The following ANKS3 variants were observed in gnomAD, a reference collection of about 807,000 sequenced individuals.
ANKS3 encodes ankyrin repeat and SAM domain-containing protein 3.
Under a neutral mutation model 80.7 loss-of-function variants are expected in ANKS3, and 62 were observed. That is an observed-to-expected ratio of 0.77 (90% CI 0.63 to 0.95). The LOEUF (loss-of-function observed/expected upper bound fraction) is 0.95, where lower values mean the gene tolerates loss of function less well. Among genes scored for constraint, ANKS3 ranks in the 40% least tolerant of loss-of-function variants. The pLI is 0.00. For missense variants in ANKS3, 1,150 were observed against 883.6 expected, an observed-to-expected ratio of 1.30 and a Z score of -3.82; for synonymous variants, 489 against 355.3, an observed-to-expected ratio of 1.38 and a Z score of -4.23.
At chr16:4,730,228 G>C in intron 2 of ANKS3, 77 bp from the exon 3 acceptor site, 1 of 1,334,230 alleles carries the variant, frequency 7.5e-7, no homozygotes. Flanking sequence ...TCCTGCCCCT[G>C]CTACACCACT....
rs940399637 is a variant in ANKS3, at chr16:4,731,507, C to G, written c.-3+5G>C. On this transcript the variant is annotated splice_donor_5th_base_variant and intron_variant, in intron 2 of 17. Transcript: ENST00000304283. The stretch of plus-strand genomic sequence containing the variant: ...TGTTGGCCAGGCTGGTCTCGAACTC[C>G]TCACCTCAGGTGATCCGCCCGCCTC... The G allele has an allele frequency of 1.4e-5, 6 of 425,236 alleles. No individual in the cohort carries two copies. In the East Asian group the frequency reaches 9.5e-4, roughly 67 times the overall value. 26.3% of individuals were successfully genotyped at this position (425,236 alleles called of 1,614,324 possible).
At chr16:4,727,198 C>A in intron 3 of ANKS3, 21 bp from the exon 4 acceptor site, 1 of 1,611,800 alleles carries the variant, frequency 6.2e-7, no homozygotes, top group Non-Finnish European at 8.5e-7. Context: ...GCAAGATATG[C>A]TAGACATGGC....
rs369358557 is a variant in ANKS3 at position 4,702,479 on chromosome 16, T to C, written c.869-237A>G. Among the ~76,000 whole-genome samples the C allele has an allele frequency of 1.5e-3, 236 of 152,272 alleles. 1 individual carries two copies. Among genetic ancestry groups the C allele is most frequent in the African/African-American group, 5.5e-3 (230 of 41,556 alleles). Reference sequence around the variant, plus strand: ...TGGCAGCCAGGTCAAGCCTGGGCCCTCTCCATTTCTTTTCCAAGGGGAAAA... The same window carrying C: ...TGGCAGCCAGGTCAAGCCTGGGCCCCCTCCATTTCTTTTCCAAGGGGAAAA... On this transcript the variant is annotated intron_variant, in intron 8 of 17. Transcript: ENST00000304283.
intron 7 of ANKS3, among the ~76,000 whole-genome samples, chr16:4,708,897 C>A (rs1479874218): frequency 6.6e-6 from 1 of 151,470 alleles, no homozygotes; most frequent in Admixed American, 6.6e-5. Flanking sequence ...CGAGATCGCG[C>A]CACTGCACTC....
rs1302895585 is a variant in ANKS3, at chr16:4,697,385, G to A, written c.1842C>T (p.Ala614=). The change falls in exon 16 of 18, where the codon GCC becomes GCT. Residue 614 remains alanine (A), a synonymous_variant. Transcript: ENST00000304283. ...CTCCCGAGAGCTCGGGGAGGCTCAT[G>A]GCCTGCAGGGACGCTTGCCAGCCCT... ...DSKGWQASLQ[A]MSLPELSGAL... 6.2e-7 allele frequency: 1 copy of A among 1,609,966 alleles called. No homozygotes were observed. The highest frequency in any genetic ancestry group is 1.1e-5 in the South Asian group (1 of 90,946).
rs369546083 is a variant in ANKS3, at chr16:4,702,090, G to T, written c.1009+12C>A. ...CCTGAGCCACGGGCCGGATGGGTGGGGGTGCACGTACCCCGACTGCTGCTG... is the reference window on the plus strand; with the variant it reads ...CCTGAGCCACGGGCCGGATGGGTGGTGGTGCACGTACCCCGACTGCTGCTG... On this transcript the variant is annotated intron_variant, in intron 9 of 17. Coordinates refer to ENST00000304283, the MANE Select transcript of ANKS3 (RefSeq NM_133450.4). 2.5e-4 allele frequency: 386 copies of T among 1,572,690 alleles called. 2 individuals carry two copies. In the African/African-American group the frequency reaches 4.7e-3, roughly 19 times the overall value.
intron 10 of ANKS3, 115 bp from the exon 11 acceptor site, chr16:4,701,249 C>T: frequency 2.0e-6 from 3 of 1,520,450 alleles, no homozygotes; most frequent in Non-Finnish European, 2.7e-6. Flanking sequence ...CCACCCGCCA[C>T]ACAGGGGCTT....
chr16:4,698,535 A>G lies in ANKS3; in HGVS notation c.1616T>C (p.Val539Ala). 16 of 1,576,008 alleles carry G rather than the reference A, an allele frequency of 1.0e-5. No homozygotes were observed. The highest frequency in any genetic ancestry group is 1.4e-5 in the Non-Finnish European group (16 of 1,169,118). The change falls in exon 14 of 18, where the codon GTG (valine) becomes GCG (alanine). Residue 539 changes from valine to alanine, a missense_variant. Transcript: ENST00000304283. ...GTCCTGCTCCAGCAGGCAGCTCTCC[A>G]CCACGGCGCGCAGCTCCTGCTCCTG... ...VCQEQELRAV[V>A]ESCLLEQDRA...
intron 6 of ANKS3, among the ~76,000 whole-genome samples, chr16:4,723,500 G>A (rs1434643273): frequency 6.6e-6 from 1 of 152,126 alleles, no homozygotes; most frequent in African/African-American, 2.4e-5. Context: ...ATAGCTCACT[G>A]CAACCTCCAA....
intron 6 of ANKS3, among the ~76,000 whole-genome samples, chr16:4,721,198 G>C (rs1271634615): frequency 6.7e-6 from 1 of 148,828 alleles, no homozygotes; most frequent in Non-Finnish European, 1.5e-5. Flanking sequence ...CCAGCTACTC[G>C]GGAGGCTGAG....
chr16:4,697,996 G>T lies in ANKS3; in HGVS notation c.1791C>A (p.Gly597=). 6.2e-7 allele frequency: 1 copy of T among 1,602,730 alleles called. No homozygotes were observed. Among genetic ancestry groups the T allele is most frequent in the South Asian group, 1.1e-5 (1 of 88,892 alleles). The change falls in exon 15 of 18, where the codon GGC becomes GGA. Residue 597 remains glycine (G), a synonymous_variant. Transcript: ENST00000304283. ...TCTTACCAGCTGGGGGGACGGCTAG[G>T]CCCAGAGTGGCTGCACCAGGGGGCT... ...QDQPPGAATL[G]LAVPPADSKG...
intron 6 of ANKS3, among the ~76,000 whole-genome samples, chr16:4,720,949 C>CA (rs1228163298): frequency 1.4e-5 from 2 of 140,560 alleles, no homozygotes; most frequent in African/African-American, 5.3e-5. Flanking sequence ...AACAAACAAA[C>CA]AAACAAACAA....
chr16:4,733,933 C>T lies in ANKS3; in HGVS notation c.-71+5G>A. 1 of 985,556 alleles carries T rather than the reference C, an allele frequency of 1.0e-6. No homozygotes were observed. 61.1% of individuals were successfully genotyped at this position (985,556 alleles called of 1,614,324 possible). ...GGGTCCCTGGCCGACAAACCCGTAA[C>T]TCACAGCAGTGACGCTTCCCGACGC... On this transcript the variant is annotated splice_donor_5th_base_variant and intron_variant, in intron 1 of 17. Coordinates refer to ENST00000304283, the MANE Select transcript of ANKS3 (RefSeq NM_133450.4).
intron 14 of ANKS3, 114 bp downstream of exon 14, chr16:4,698,313 G>A (rs1338686791): frequency 7.3e-7 from 1 of 1,375,956 alleles, no homozygotes; most frequent in Non-Finnish European, 9.6e-7. Context: ...GGTGGCTCCA[G>A]ACCCTGAAAT....
chr16:4,701,269 TCG>T, intron 10 of ANKS3, 135 bp from the exon 11 acceptor site: 2 of 1,444,628 alleles, frequency 1.4e-6, no homozygotes, highest in East Asian at 4.7e-5. Context: ...TCCGGTGCGT[TCG>T]CTGTCGTCTG....
At chr16:4,729,867 C>A in intron 3 of ANKS3, 113 bp downstream of exon 3, 1 of 1,084,480 alleles carries the variant, frequency 9.2e-7, no homozygotes, top group African/African-American at 1.6e-5. Flanking sequence ...AGCAGGTTAA[C>A]CTATTCTACA....
intron 6 of ANKS3, 46 bp from the exon 7 acceptor site, chr16:4,714,232 A>C (rs1379718318): frequency 6.8e-6 from 11 of 1,605,978 alleles, no homozygotes; most frequent in African/African-American, 4.0e-5. Flanking sequence ...CCTTCAAAGC[A>C]CCTGCCCTTC....
chr16:4,701,441 C>A lies in ANKS3; in HGVS notation c.1112G>T (p.Ser371Ile). Reference sequence around the variant, plus strand: ...GAAAGAAAGAATCCGTACCTCGTTGCTCTCCACAGAAGCTTCGCTGCTGAG... The same window carrying A: ...GAAAGAAAGAATCCGTACCTCGTTGATCTCCACAGAAGCTTCGCTGCTGAG... ...QGLSSEASVESNEDSDHACKS... is the reference protein window; with the variant it reads ...QGLSSEASVEINEDSDHACKS... The change falls in exon 10 of 18, where the codon AGC (serine) becomes ATC (isoleucine). Residue 371 changes from serine (S) to isoleucine (I), a missense_variant. Physicochemically the swap from Ser to Ile is moderately radical, Grantham distance 142. Coordinates refer to ENST00000304283, the MANE Select transcript of ANKS3 (RefSeq NM_133450.4). The A allele has an allele frequency of 6.2e-7, 1 of 1,600,612 alleles. No individual in the cohort carries two copies. The highest frequency in any genetic ancestry group is 8.5e-7 in the Non-Finnish European group (1 of 1,171,664).
Position 4,711,814 on chromosome 16 carries a change from A to G in ANKS3, c.709+2237T>C, listed in dbSNP as rs566748306. ...TGAAGTGATCTCTCAGGAAAATATA[A>G]TTTACCAAAACTGACCCCATAAGAA... On this transcript the variant is annotated intron_variant, in intron 7 of 17. Transcript: ENST00000304283. Among the ~76,000 whole-genome samples the G allele has an allele frequency of 7.9e-4, 121 of 152,206 alleles. 1 individual carries two copies. The highest frequency in any genetic ancestry group is 2.8e-3 in the African/African-American group (117 of 41,560).
Sources: gnomAD v4.1 joint callset for allele counts (sites outside exome capture counted in the v4.1 genomes callset) on GRCh38, gnomAD v4.1.1 for gene constraint, MANE v1.5 for transcripts, NCBI Gene and HGNC (gene_info 2026-07-23, HGNC 2026-07-21) for gene names.